Variants in AGBL1 observed in about 807,000 individuals in gnomAD.
AGBL1 encodes the protein AGBL carboxypeptidase 1, also known as cytosolic carboxypeptidase 4.
A neutral mutation model predicts 118.9 loss-of-function variants in AGBL1; 130 were observed. The observed-to-expected ratio is 1.09, with a 90% CI of 0.95 to 1.26. AGBL1 has a LOEUF of 1.26. AGBL1 is among the 50% of genes most tolerant of loss of function. The pLI, the probability that AGBL1 is intolerant of heterozygous loss-of-function variation, is 0.00. For missense variants in AGBL1, 1,584 were observed against 1,298.1 expected, an observed-to-expected ratio of 1.22 and a Z score of -3.38; for synonymous variants, 555 against 478.9, an observed-to-expected ratio of 1.16 and a Z score of -2.08.
intron 22 of AGBL1, among the ~76,000 whole-genome samples, chr15:86,873,489 C>T (rs2079758847): frequency 6.6e-6 from 1 of 152,062 alleles, no homozygotes; most frequent in Non-Finnish European, 1.5e-5. Flanking sequence ...GTTTTTGTCC[C>T]CATGAAAGAC....
chr15:86,233,763 C>T (rs1053872424), intron 6 of AGBL1, among the ~76,000 whole-genome samples: 1 of 152,176 alleles, frequency 6.6e-6, no homozygotes, highest in Non-Finnish European at 1.5e-5. Flanking sequence ...TGTTCTCATC[C>T]TCCAGCCCTA....
intron 1 of AGBL1, among the ~76,000 whole-genome samples, chr15:86,092,728 T>C (rs1567048650): frequency 6.6e-6 from 1 of 152,076 alleles, no homozygotes; most frequent in Non-Finnish European, 1.5e-5. Context: ...GACCAGGACC[T>C]TCATGCTGCA....
At chr15:86,190,722 A>G (rs970616630) in intron 5 of AGBL1, among the ~76,000 whole-genome samples, 2 of 152,232 alleles carry the variant, frequency 1.3e-5, no homozygotes, top group Non-Finnish European at 2.9e-5. Context: ...ATAAGGTATC[A>G]AAGAACATGG....
At chr15:86,546,159 A>C (rs895497363) in intron 20 of AGBL1, 26 bp downstream of exon 20, 1 of 1,598,214 alleles carries the variant, frequency 6.3e-7, no homozygotes, top group South Asian at 1.1e-5. Context: ...GAATGACATC[A>C]GACATGCTGT....
intron 22 of AGBL1, among the ~76,000 whole-genome samples, chr15:86,737,766 A>T (rs1316084137): frequency 6.6e-6 from 1 of 152,196 alleles, no homozygotes; most frequent in African/African-American, 2.4e-5. Context: ...TTTCAAGATC[A>T]CATTTCACTT....
At chr15:86,178,899 A>G (rs550922847) in intron 5 of AGBL1, among the ~76,000 whole-genome samples, 2 of 152,248 alleles carry the variant, frequency 1.3e-5, no homozygotes, top group Non-Finnish European at 2.9e-5. Context: ...AACTTTGCAA[A>G]CATCCCTGAC....
At chr15:87,016,251 C>T (rs544749627) in intron 24 of AGBL1, among the ~76,000 whole-genome samples, 1 of 54,550 alleles carries the variant, frequency 1.8e-5, no homozygotes, top group African/African-American at 6.1e-5. Flanking sequence ...TTTTTAATAA[C>T]TGTCCCAGGT....
intron 1 of AGBL1, among the ~76,000 whole-genome samples, chr15:86,110,323 A>G (rs927563522): frequency 1.3e-5 from 2 of 152,262 alleles, no homozygotes; most frequent in African/African-American, 4.8e-5. Flanking sequence ...CTGATAATGT[A>G]AACAGTGGAT....
chr15:86,286,765 G>A (rs1486990702), intron 16 of AGBL1, among the ~76,000 whole-genome samples: 7 of 95,446 alleles, frequency 7.3e-5, no homozygotes, highest in East Asian at 2.5e-4. Flanking sequence ...CCATCAATGC[G>A]CACTGTGGTC....
intron 17 of AGBL1, among the ~76,000 whole-genome samples, chr15:86,328,956 A>G (rs1370849386): frequency 6.6e-6 from 1 of 152,184 alleles, no homozygotes; most frequent in East Asian, 1.9e-4. Context: ...CTTGGGCCAG[A>G]GATTAGAGCA....
intron 17 of AGBL1, among the ~76,000 whole-genome samples, chr15:86,306,211 A>T (rs766666390): frequency 1.3e-5 from 2 of 152,118 alleles, no homozygotes; most frequent in South Asian, 2.1e-4. Flanking sequence ...CAATTAAGTT[A>T]TTATTGACTA....
At chr15:86,769,400 A>G (rs1414324285) in intron 22 of AGBL1, among the ~76,000 whole-genome samples, 1 of 151,990 alleles carries the variant, frequency 6.6e-6, no homozygotes, top group Non-Finnish European at 1.5e-5. Flanking sequence ...TAATTTGGCT[A>G]TAAATGCCTT....
chr15:86,187,263 G>A (rs556543762), intron 5 of AGBL1, among the ~76,000 whole-genome samples: 6 of 152,220 alleles, frequency 3.9e-5, no homozygotes, highest in Middle Eastern at 3.4e-3. Context: ...TTTTTAAAGC[G>A]GAAGATCCCT....
chr15:86,667,138 C>T (rs1414183135), intron 21 of AGBL1, among the ~76,000 whole-genome samples: 2 of 152,054 alleles, frequency 1.3e-5, no homozygotes, highest in African/African-American at 4.8e-5. Context: ...AAAATACTCT[C>T]TAAATCATTT....
chr15:86,674,803 A>G (rs543893877), intron 22 of AGBL1, among the ~76,000 whole-genome samples: 10 of 152,302 alleles, frequency 6.6e-5, no homozygotes, highest in African/African-American at 2.2e-4. Flanking sequence ...AACAATGGCA[A>G]TCTCATTGAC....
chr15:86,756,717 A>G (rs74025458), intron 22 of AGBL1, among the ~76,000 whole-genome samples: 7,574 of 152,168 alleles, frequency 0.05, 346 homozygotes, highest in East Asian at 0.12. Context: ...GCATCATGGG[A>G]GTGAAGTTCA....
intron 21 of AGBL1, among the ~76,000 whole-genome samples, chr15:86,648,718 A>C (rs1346042885): frequency 1.3e-5 from 2 of 152,204 alleles, no homozygotes; most frequent in Non-Finnish European, 2.9e-5. Context: ...ATAAGAAACG[A>C]GGTAGAAGGA....
intron 18 of AGBL1, among the ~76,000 whole-genome samples, chr15:86,472,294 G>C (rs2142104303): frequency 6.6e-6 from 1 of 152,280 alleles, no homozygotes; most frequent in East Asian, 1.9e-4. Context: ...CATGGGCTTT[G>C]GTGATTACAA....
At chr15:86,879,809 G>C (rs553118629) in intron 22 of AGBL1, among the ~76,000 whole-genome samples, 1 of 152,108 alleles carries the variant, frequency 6.6e-6, no homozygotes, top group East Asian at 1.9e-4. Context: ...CACAGGCTTC[G>C]TGCCAGGGCT....
Sources: gnomAD v4.1 joint callset for allele counts (sites outside exome capture counted in the v4.1 genomes callset) on GRCh38, gnomAD v4.1.1 for gene constraint, MANE v1.5 for transcripts, NCBI Gene and HGNC (gene_info 2026-07-23, HGNC 2026-07-21) for gene names.